PTPN11: variants seen among roughly 807,000 people sequenced by gnomAD.
PTPN11 encodes tyrosine-protein phosphatase non-receptor type 11.
In PTPN11, 6 loss-of-function variants were observed where a neutral mutation model predicts 78.8. That is an observed-to-expected ratio of 0.08 (90% confidence interval 0.04 to 0.15). The LOEUF is 0.15. Among genes scored for constraint, PTPN11 ranks in the 10% least tolerant of loss-of-function variants. The pLI, the probability that PTPN11 is intolerant of heterozygous loss-of-function variation, is 1.00. For synonymous variants in PTPN11, 221 were observed against 263.5 expected, an observed-to-expected ratio of 0.84 and a Z score of 1.56; for missense variants, 386 against 744.8, an observed-to-expected ratio of 0.52 and a Z score of 5.61.
chr12:112,444,558 C>T (rs949534297), intron 1 of PTPN11, among the ~76,000 whole-genome samples: 9 of 151,790 alleles, frequency 5.9e-5, no homozygotes, highest in African/African-American at 1.9e-4. Context: ...CAGGCTGCTC[C>T]CGAACTCCCG....
chr12:112,446,376 G>C lies in PTPN11; in HGVS notation c.115G>C (p.Gly39Arg), dbSNP rs886041585. The change falls in exon 2 of 16, where the codon GGA (glycine) becomes CGA (arginine). Residue 39 changes from glycine (G) to arginine (R), a missense_variant. Transcript: ENST00000351677. ...FLARPSKSNP[G>R]DFTLSVRRNG... ...GGCAAGGCCTAGTAAAAGTAACCCT[G>C]GAGACTTCACACTTTCCGTTAGGTA... The C allele has an allele frequency of 1.2e-6, 2 of 1,614,054 alleles. No individual in the cohort carries two copies. The highest frequency in any genetic ancestry group is 1.7e-6 in the Non-Finnish European group (2 of 1,179,990).
chr12:112,487,135 T>TC (rs1566185934), intron 11 of PTPN11, among the ~76,000 whole-genome samples: 2 of 149,042 alleles, frequency 1.3e-5, no homozygotes, highest in African/African-American at 4.9e-5. Context: ...CTCTCTCTCT[T>TC]TTTTTTTTTT....
intron 14 of PTPN11, among the ~76,000 whole-genome samples, chr12:112,503,978 T>C (rs1175857344): frequency 1.3e-5 from 2 of 152,208 alleles, no homozygotes; most frequent in East Asian, 3.9e-4. Context: ...TGGGGCTAAA[T>C]AGATCTCTCA....
At chr12:112,454,526 G>A (rs2135869081) in intron 4 of PTPN11, 38 bp from the exon 5 acceptor site, 1 of 1,450,002 alleles carries the variant, frequency 6.9e-7, no homozygotes, top group Non-Finnish European at 9.7e-7. Flanking sequence ...GTAACATAAA[G>A]GTAACAAATA....
At chr12:112,434,091 C>A (rs1166850036) in intron 1 of PTPN11, among the ~76,000 whole-genome samples, 1 of 151,902 alleles carries the variant, frequency 6.6e-6, no homozygotes, top group East Asian at 1.9e-4. Flanking sequence ...CCAGGCAGAG[C>A]AAGATAGCAA....
intron 7 of PTPN11, among the ~76,000 whole-genome samples, chr12:112,475,396 A>G (rs1043827476): frequency 6.6e-6 from 1 of 152,076 alleles, no homozygotes; most frequent in Non-Finnish European, 1.5e-5. Context: ...GATTGCAGGG[A>G]GTGCATAATG....
At position 112,486,373 on chromosome 12, in the gene PTPN11, T is replaced by G. The variant is rs2038675762; in HGVS notation, c.1225-102T>G. 5 of 1,232,572 alleles carry G rather than the reference T, an allele frequency of 4.1e-6. No individual in the cohort carries two copies. In the Admixed American group the frequency reaches 7.4e-5, roughly 18 times the overall value. The allele number at this position is 1,232,572 out of a possible 1,614,324, so 76.4% of individuals were successfully genotyped here. A position where few individuals can be genotyped will look rare whatever the true frequency, so the allele number is the denominator to read the frequency against. The stretch of plus-strand genomic sequence containing the variant: ...GACCTTTCAGTGGAACCTGGGGAGA[T>G]TCTCTTCCTCTCCATTGGATTTAGG... On this transcript the variant is annotated intron_variant, in intron 10 of 15. Coordinates refer to ENST00000351677, the MANE Select transcript of PTPN11 (RefSeq NM_002834.5).
chr12:112,485,153 C>G (rs2135910549), intron 10 of PTPN11, among the ~76,000 whole-genome samples: 1 of 152,082 alleles, frequency 6.6e-6, no homozygotes, highest in East Asian at 1.9e-4. Flanking sequence ...GGAGTCGAGT[C>G]TGAGGCCCAA....
intron 1 of PTPN11, among the ~76,000 whole-genome samples, chr12:112,439,651 G>C (rs1049240012): frequency 2.0e-5 from 3 of 151,830 alleles, no homozygotes; most frequent in East Asian, 3.9e-4. Context: ...TGTATTTTTA[G>C]TAGAGACGGG....
At chr12:112,459,147 G>T (rs1384713454) in intron 6 of PTPN11, among the ~76,000 whole-genome samples, 1 of 149,900 alleles carries the variant, frequency 6.7e-6, no homozygotes, top group Non-Finnish European at 1.5e-5. Context: ...CATTTCAGCA[G>T]TCATTCATTT....
intron 6 of PTPN11, 114 bp from the exon 7 acceptor site, chr12:112,472,830 C>A: frequency 1.1e-6 from 1 of 905,266 alleles, no homozygotes; most frequent in Middle Eastern, 3.3e-4. Context: ...CTATCGCACA[C>A]AATTCTGAAC....
Position 112,506,946 on chromosome 12 carries a change from T to TTGA in PTPN11, c.*1199_*1201dup, listed in dbSNP as rs80269561. 8,125 of 217,194 alleles carry TTGA rather than the reference T, an allele frequency of 0.037. 171 individuals carry two copies. The highest frequency in any genetic ancestry group is 0.065 in the South Asian group (705 of 10,918). The allele number at this position is 217,194 out of a possible 1,614,324, so 13.5% of individuals were successfully genotyped here. ...ACAGTGTCCCTTCTACTTCCCTCTA[T>TTGA]TGATGATGATGATGATGATGATGAT... is the stretch of plus-strand genomic sequence containing the variant. On this transcript the variant is annotated 3_prime_UTR_variant, in exon 16 of 16. Coordinates refer to ENST00000351677, the MANE Select transcript of PTPN11 (RefSeq NM_002834.5).
chr12:112,444,884 AC>A (rs940014205), intron 1 of PTPN11, among the ~76,000 whole-genome samples: 6 of 151,978 alleles, frequency 3.9e-5, no homozygotes, highest in African/African-American at 1.5e-4. Flanking sequence ...TCTTACTTTT[AC>A]TGCCCCAACG....
chr12:112,440,296 C>T (rs552628796), intron 1 of PTPN11, among the ~76,000 whole-genome samples: 9 of 151,916 alleles, frequency 5.9e-5, no homozygotes, highest in East Asian at 5.8e-4. Flanking sequence ...TTTTTTGAGA[C>T]GGAATCTTGC....
intron 7 of PTPN11, among the ~76,000 whole-genome samples, chr12:112,476,352 C>T (rs1250974596): frequency 6.6e-6 from 1 of 152,172 alleles, no homozygotes; most frequent in Non-Finnish European, 1.5e-5. Flanking sequence ...TACTAATTCC[C>T]ATTGCAAAAT....
chr12:112,483,554 T>A (rs1249942784), intron 10 of PTPN11, among the ~76,000 whole-genome samples: 2 of 152,136 alleles, frequency 1.3e-5, no homozygotes, highest in Non-Finnish European at 2.9e-5. Context: ...AAGGAGGTTG[T>A]GGGGGTTTGT....
intron 9 of PTPN11, among the ~76,000 whole-genome samples, chr12:112,479,248 ATGGTG>A (rs756349202): frequency 3.4e-4 from 51 of 152,036 alleles, no homozygotes; most frequent in Admixed American, 3.3e-4. Flanking sequence ...TGAGCCCACC[ATGGTG>A]GTTTTTTTTT....
intron 13 of PTPN11, among the ~76,000 whole-genome samples, chr12:112,492,724 A>C (rs180776625): frequency 1.3e-5 from 2 of 152,058 alleles, no homozygotes; most frequent in Admixed American, 6.6e-5. Flanking sequence ...TCACCGTGTT[A>C]GCCAGGATGG....
At chr12:112,436,110 TAAAAC>T (rs555636227) in intron 1 of PTPN11, among the ~76,000 whole-genome samples, 16 of 151,990 alleles carry the variant, frequency 1.1e-4, no homozygotes, top group Non-Finnish European at 2.4e-4. Flanking sequence ...AAAGAATAAA[TAAAAC>T]AAACATGGGC....
Sources: gnomAD v4.1 joint callset for allele counts (sites outside exome capture counted in the v4.1 genomes callset) on GRCh38, gnomAD v4.1.1 for gene constraint, MANE v1.5 for transcripts, NCBI Gene and HGNC (gene_info 2026-07-23, HGNC 2026-07-21) for gene names.